Variants in POU2AF1 observed in about 807,000 individuals in gnomAD.
The protein encoded by POU2AF1 is POU domain class 2-associating factor 1.
In POU2AF1, 12 loss-of-function variants were observed where a neutral mutation model predicts 26.3. The ratio of observed to expected loss-of-function variants is 0.46; its 90% CI spans 0.29 to 0.74. The LOEUF (loss-of-function observed/expected upper bound fraction) is 0.74, where lower values mean the gene tolerates loss of function less well. Among genes scored for constraint, POU2AF1 ranks in the 30% least tolerant of loss-of-function variants. POU2AF1 has a pLI of 0.09. For missense variants in POU2AF1, 297 were observed against 334.5 expected, an observed-to-expected ratio of 0.89 and a Z score of 0.87; for synonymous variants, 175 against 148.0, an observed-to-expected ratio of 1.18 and a Z score of -1.32.
intron 4 of POU2AF1, among the ~76,000 whole-genome samples, chr11:111,357,057 T>C (rs1396353733): frequency 2.6e-5 from 4 of 152,200 alleles, no homozygotes; most frequent in Admixed American, 1.3e-4. Context: ...AATCACTCCC[T>C]AAGTTATCTG....
At chr11:111,363,874 G>T (rs970849538) in intron 1 of POU2AF1, 2 of 985,336 alleles carry the variant, frequency 2.0e-6, no homozygotes, top group Non-Finnish European at 1.2e-6. Context: ...TCTCCCGTAG[G>T]TATCCAAGAG....
chr11:111,375,390 CTTTTTTTTTTTTTT>C (rs869115956), intron 1 of POU2AF1, among the ~76,000 whole-genome samples: 2 of 79,488 alleles, frequency 2.5e-5, no homozygotes, highest in African/African-American at 5.1e-5. Flanking sequence ...TACTGAGTAT[CTTTTTTTTTTTTTT>C]TTTTTTTTTT....
intron 1 of POU2AF1, among the ~76,000 whole-genome samples, chr11:111,375,616 G>C (rs867169810): frequency 6.6e-6 from 1 of 151,916 alleles, no homozygotes; most frequent in Non-Finnish European, 1.5e-5. Context: ...AGCCAGGATG[G>C]TCTCGATCTC....
Position 111,352,499 on chromosome 11 carries a change from C to A in POU2AF1, c.*1762G>T, listed in dbSNP as rs1270928342. 1 of 184,560 alleles carries A rather than the reference C, an allele frequency of 5.4e-6. No individual in the cohort carries two copies. Among genetic ancestry groups the A allele is most frequent in the Non-Finnish European group, 1.1e-5 (1 of 87,016 alleles). 11.4% of individuals were successfully genotyped at this position (184,560 alleles called of 1,614,324 possible). On this transcript the variant is annotated 3_prime_UTR_variant, in exon 5 of 5. Coordinates refer to ENST00000393067, the MANE Select transcript of POU2AF1 (RefSeq NM_006235.3). ...AGTCTCCTACAAACCTGATGTTTCT[C>A]CAGCAAAACAAATTAAAATTAAACC...
At chr11:111,356,375 A>G (rs1225083240) in intron 4 of POU2AF1, among the ~76,000 whole-genome samples, 1 of 152,192 alleles carries the variant, frequency 6.6e-6, no homozygotes, top group Admixed American at 6.5e-5. Flanking sequence ...GGGCTTCTGC[A>G]GGCCTTTCAT....
At chr11:111,372,029 TACACACAC>T (rs374971894) in intron 1 of POU2AF1, among the ~76,000 whole-genome samples, 1,226 of 121,120 alleles carry the variant, frequency 0.01, 21 homozygotes, top group African/African-American at 0.013. Flanking sequence ...CACACACAAA[TACACACAC>T]ACACACACAC....
At chr11:111,358,071 G>C (rs1302634630) in intron 2 of POU2AF1, among the ~76,000 whole-genome samples, 1 of 151,984 alleles carries the variant, frequency 6.6e-6, no homozygotes, top group Non-Finnish European at 1.5e-5. Context: ...TTCTTCTCAG[G>C]GGGGGCCCCC....
At chr11:111,362,989 C>T in intron 1 of POU2AF1, 2 of 335,086 alleles carry the variant, frequency 6.0e-6, no homozygotes, top group Non-Finnish European at 8.6e-6. Context: ...CAGCTGGCCA[C>T]TTCCAGGATC....
chr11:111,365,532 A>T (rs1861088352), intron 1 of POU2AF1, among the ~76,000 whole-genome samples: 1 of 152,166 alleles, frequency 6.6e-6, no homozygotes, highest in Non-Finnish European at 1.5e-5. Context: ...AGGAAAAAAA[A>T]CCCCACTGAG....
At chr11:111,363,392 T>C (rs2135123182) in intron 1 of POU2AF1, 2 of 1,017,578 alleles carry the variant, frequency 2.0e-6, no homozygotes, top group South Asian at 4.6e-5. Flanking sequence ...CGGCCAAGTG[T>C]TTTTGCAAGT....
intron 1 of POU2AF1, among the ~76,000 whole-genome samples, chr11:111,365,812 G>A (rs894940908): frequency 2.7e-5 from 4 of 150,236 alleles, no homozygotes; most frequent in East Asian, 2.0e-4. Flanking sequence ...AGCCAAGATC[G>A]CACCATTGCA....
chr11:111,369,551 T>C (rs75362188), intron 1 of POU2AF1, among the ~76,000 whole-genome samples: 3,582 of 152,226 alleles, frequency 0.024, 155 homozygotes, highest in Admixed American at 0.12. Context: ...AATGTGGCAA[T>C]GGGCAAGGGA....
intron 1 of POU2AF1, 105 bp from the exon 2 acceptor site, chr11:111,359,023 G>A (rs1860953196): frequency 6.8e-7 from 1 of 1,479,550 alleles, no homozygotes; most frequent in Admixed American, 2.3e-5. Flanking sequence ...AGTCGTGCTT[G>A]AACACGGAGA....
Position 111,354,092 on chromosome 11 carries a change from G to T in POU2AF1, c.*169C>A. The T allele has an allele frequency of 1.6e-6, 1 of 641,622 alleles. No individual in the cohort carries two copies. Among genetic ancestry groups the T allele is most frequent in the Non-Finnish European group, 2.5e-6 (1 of 396,620 alleles). The allele number at this position is 641,622 out of a possible 1,614,324, so 39.7% of individuals were successfully genotyped here. A position where few individuals can be genotyped will look rare whatever the true frequency, so the allele number is the denominator to read the frequency against. ...TGGGGGAGAGGGAGGAAGTGAGGGA[G>T]GGAGGGGAAGGAAGAAGGGAAGGAA... is the stretch of plus-strand genomic sequence containing the variant. On this transcript the variant is annotated 3_prime_UTR_variant, in exon 5 of 5. Transcript: ENST00000393067.
At chr11:111,375,390 CTTT>C (rs869115956) in intron 1 of POU2AF1, among the ~76,000 whole-genome samples, 88 of 79,496 alleles carry the variant, frequency 1.1e-3, no homozygotes, top group African/African-American at 4.0e-3. Context: ...TACTGAGTAT[CTTT>C]TTTTTTTTTT....
chr11:111,360,456 G>A (rs2135118629), intron 1 of POU2AF1, among the ~76,000 whole-genome samples: 1 of 152,358 alleles, frequency 6.6e-6, no homozygotes, highest in East Asian at 1.9e-4. Flanking sequence ...TTGAAGCCCA[G>A]AAGGCAGAGA....
intron 1 of POU2AF1, among the ~76,000 whole-genome samples, chr11:111,377,510 G>A (rs969165709): frequency 3.3e-5 from 5 of 152,200 alleles, no homozygotes; most frequent in African/African-American, 1.2e-4. Flanking sequence ...TCATATCTCA[G>A]AGGCTGATGC....
intron 1 of POU2AF1, among the ~76,000 whole-genome samples, chr11:111,369,806 A>G (rs947249701): frequency 6.6e-6 from 1 of 152,162 alleles, no homozygotes; most frequent in African/African-American, 2.4e-5. Flanking sequence ...AGCAGAGGAA[A>G]GGGCTGTCTC....
intron 1 of POU2AF1, among the ~76,000 whole-genome samples, chr11:111,378,497 T>C (rs1861353710): frequency 6.6e-6 from 1 of 152,176 alleles, no homozygotes; most frequent in Non-Finnish European, 1.5e-5. Flanking sequence ...AGTTCACAAT[T>C]GTTTCATCCA....
Sources: allele counts gnomAD v4.1 joint callset (sites outside exome capture counted in the v4.1 genomes callset), GRCh38; gene constraint gnomAD v4.1.1; transcripts MANE v1.5; gene names NCBI Gene and HGNC (gene_info 2026-07-23, HGNC 2026-07-21).